Variants in NALF1 observed in about 807,000 individuals in gnomAD.
NALF1 encodes the protein NALCN channel auxiliary factor 1.
Under a neutral mutation model 48.4 loss-of-function variants are expected in NALF1, and 3 were observed. That is an observed-to-expected ratio of 0.06 (90% CI 0.03 to 0.16). NALF1 has a LOEUF of 0.16. Among genes scored for constraint, NALF1 ranks in the 10% least tolerant of loss-of-function variants. The pLI, the probability that NALF1 is intolerant of heterozygous loss-of-function variation, is 1.00. For synonymous variants in NALF1, 262 were observed against 245.7 expected (o/e 1.07, Z -0.62); for missense variants, 526 against 571.5 (o/e 0.92, Z 0.81).
intron 1 of NALF1, among the ~76,000 whole-genome samples, chr13:107,437,921 G>A (rs1226828302): frequency 6.6e-6 from 1 of 152,144 alleles, no homozygotes; most frequent in Non-Finnish European, 1.5e-5. Context: ...TATTGGTGAA[G>A]TATACTGATG....
rs1878611819 is a variant in NALF1 at position 107,164,081 on chromosome 13, A to T, written c.*6416T>A. 6.6e-6 allele frequency: 1 copy of T among 152,178 alleles called. No homozygotes were observed. Among genetic ancestry groups the T allele is most frequent in the Non-Finnish European group, 1.5e-5 (1 of 68,046 alleles). 9.4% of individuals were successfully genotyped at this position (152,178 alleles called of 1,614,324 possible). A position where few individuals can be genotyped will look rare whatever the true frequency, so the allele number is the denominator to read the frequency against. On this transcript the variant is annotated 3_prime_UTR_variant, in exon 3 of 3. Coordinates refer to ENST00000375915, the MANE Select transcript of NALF1 (RefSeq NM_001080396.3). ...ACTTGGCTAGCACGCCAATAACTGG[A>T]ATCTTGAAGCAGCAGTGCTGCGGTG...
At chr13:107,813,236 T>C (rs1879053359) in intron 1 of NALF1, among the ~76,000 whole-genome samples, 3 of 152,180 alleles carry the variant, frequency 2.0e-5, no homozygotes, top group African/African-American at 7.2e-5. Flanking sequence ...TAGCAAATTA[T>C]CACAGTGAAC....
chr13:107,320,175 C>A (rs1363854760), intron 1 of NALF1, among the ~76,000 whole-genome samples: 1 of 151,780 alleles, frequency 6.6e-6, no homozygotes, highest in Non-Finnish European at 1.5e-5. Flanking sequence ...TAAAGATGTG[C>A]CTAAAAAATA....
At chr13:107,329,532 G>A (rs1045888408) in intron 1 of NALF1, among the ~76,000 whole-genome samples, 3 of 151,520 alleles carry the variant, frequency 2.0e-5, no homozygotes, top group Non-Finnish European at 4.4e-5. Context: ...TTAAGTTTTA[G>A]GGTACATGTG....
intron 2 of NALF1, among the ~76,000 whole-genome samples, chr13:107,173,962 C>T (rs530608092): frequency 2.6e-5 from 4 of 152,280 alleles, no homozygotes; most frequent in South Asian, 2.1e-4. Context: ...TGAGTTTTCA[C>T]GTGACATAAT....
At chr13:107,656,151 T>C (rs868152789) in intron 1 of NALF1, among the ~76,000 whole-genome samples, 2 of 148,732 alleles carry the variant, frequency 1.3e-5, no homozygotes, top group Admixed American at 6.7e-5. Flanking sequence ...AAAAAAAAGA[T>C]AAATAGATGG....
At chr13:107,678,529 C>G (rs935687468) in intron 1 of NALF1, among the ~76,000 whole-genome samples, 1 of 152,198 alleles carries the variant, frequency 6.6e-6, no homozygotes, top group Non-Finnish European at 1.5e-5. Flanking sequence ...GAGCAAGTCA[C>G]CAGCTTCCCT....
At chr13:107,814,637 A>G (rs905171751) in intron 1 of NALF1, among the ~76,000 whole-genome samples, 1 of 152,200 alleles carries the variant, frequency 6.6e-6, no homozygotes, top group Non-Finnish European at 1.5e-5. Flanking sequence ...GGAGGCTATA[A>G]CAAGTGGAAA....
intron 1 of NALF1, among the ~76,000 whole-genome samples, chr13:107,441,987 CAAAGTT>C (rs139974494): frequency 0.12 from 17,673 of 152,062 alleles, 1,122 homozygotes; most frequent in Middle Eastern, 0.18. Context: ...AGTAAGAACT[CAAAGTT>C]AAAGTATTAG....
intron 1 of NALF1, among the ~76,000 whole-genome samples, chr13:107,811,855 A>G (rs1418481930): frequency 1.3e-5 from 2 of 152,162 alleles, no homozygotes; most frequent in East Asian, 3.9e-4. Context: ...AAGTTCCTGA[A>G]GGCCTCATCT....
intron 1 of NALF1, among the ~76,000 whole-genome samples, chr13:107,505,833 T>C (rs1004187281): frequency 6.6e-6 from 1 of 152,206 alleles, no homozygotes; most frequent in Non-Finnish European, 1.5e-5. Flanking sequence ...TGAGAATTAT[T>C]TTAGTCTTAT....
chr13:107,503,870 G>A (rs1875607097), intron 1 of NALF1, among the ~76,000 whole-genome samples: 1 of 150,584 alleles, frequency 6.6e-6, no homozygotes, highest in Non-Finnish European at 1.5e-5. Context: ...ATTTTGCTAA[G>A]TGAAAAAAGC....
intron 1 of NALF1, among the ~76,000 whole-genome samples, chr13:107,271,800 A>T (rs865982722): frequency 1.2e-4 from 9 of 74,536 alleles, no homozygotes; most frequent in South Asian, 3.4e-4. Context: ...ATATATATAT[A>T]TATATATATA....
intron 2 of NALF1, among the ~76,000 whole-genome samples, chr13:107,174,717 C>A (rs978885607): frequency 2.0e-5 from 3 of 151,640 alleles, no homozygotes; most frequent in Non-Finnish European, 2.9e-5. Flanking sequence ...AAAGTCTATC[C>A]AATATCCATC....
At position 107,545,321 on chromosome 13, in the gene NALF1, G is replaced by A. The variant is rs145975179; in HGVS notation, c.915+320361C>T. ...CTGCAACCTGGAAGCTGAGAGTGGG[G>A]CAGGAAACAAATTCTCCTCTGGAGC... On this transcript the variant is annotated intron_variant, in intron 1 of 2. Coordinates refer to ENST00000375915, the MANE Select transcript of NALF1 (RefSeq NM_001080396.3). 1.8e-3 allele frequency among the ~76,000 whole-genome samples: 276 copies of A among 152,322 alleles called. 1 individual carries two copies. The highest frequency in any genetic ancestry group is 6.3e-3 in the African/African-American group (261 of 41,582).
At chr13:107,661,300 G>C (rs1366194507) in intron 1 of NALF1, among the ~76,000 whole-genome samples, 1 of 152,120 alleles carries the variant, frequency 6.6e-6, no homozygotes, top group South Asian at 2.1e-4. Context: ...AGAAATGGGT[G>C]CTGGCAAATA....
In NALF1 at chr13:107,394,650, CA is replaced by C. The variant is rs1883681132; in HGVS notation, c.916-183896del. ...GTACCAAGATATAACATATTCTTAACATTATTGAAATTTGGGGCAAATTCCA... is the reference window on the plus strand; with the variant it reads ...GTACCAAGATATAACATATTCTTAACTTATTGAAATTTGGGGCAAATTCCA... On this transcript the variant is annotated intron_variant, in intron 1 of 2. Transcript: ENST00000375915. Among the ~76,000 whole-genome samples the C allele has an allele frequency of 2.0e-5, 3 of 152,278 alleles. No homozygotes were observed. The South Asian group carries it at 6.2e-4, about 32-fold the overall frequency.
At chr13:107,622,999 C>G (rs1357141530) in intron 1 of NALF1, among the ~76,000 whole-genome samples, 1 of 152,120 alleles carries the variant, frequency 6.6e-6, no homozygotes, top group Non-Finnish European at 1.5e-5. Context: ...ATCTACAGTA[C>G]TCTAGTATGT....
intron 1 of NALF1, among the ~76,000 whole-genome samples, chr13:107,659,560 T>C (rs758888671): frequency 3.9e-5 from 6 of 151,990 alleles, no homozygotes; most frequent in African/African-American, 9.7e-5. Context: ...TATAGTAGAA[T>C]TGCCTATCTC....
Sources: allele counts gnomAD v4.1 joint callset (sites outside exome capture counted in the v4.1 genomes callset), GRCh38; gene constraint gnomAD v4.1.1; transcripts MANE v1.5; gene names NCBI Gene and HGNC (gene_info 2026-07-23, HGNC 2026-07-21).